SHISAL2B: variants seen among roughly 807,000 people sequenced by gnomAD.
SHISAL2B encodes the protein shisa like 2B, also known as protein shisa-like-2B.
In SHISAL2B, 12 loss-of-function variants were observed where a neutral mutation model predicts 16.5. The ratio of observed to expected loss-of-function variants is 0.73; its 90% CI spans 0.47 to 1.18. SHISAL2B has a LOEUF of 1.18. SHISAL2B is among the 50% of genes most tolerant of loss of function. SHISAL2B has a pLI of 0.00. For synonymous variants in SHISAL2B, 72 were observed against 75.0 expected (o/e 0.96, Z 0.21); for missense variants, 183 against 193.6 (o/e 0.95, Z 0.33).
intron 2 of SHISAL2B, among the ~76,000 whole-genome samples, chr5:64,708,332 G>C (rs575092211): frequency 6.6e-6 from 1 of 152,056 alleles, no homozygotes; most frequent in East Asian, 1.9e-4. Flanking sequence ...TTTGACTTTA[G>C]AAAGTGTGTC....
intron 1 of SHISAL2B, 69 bp downstream of exon 1, chr5:64,690,883 C>T: frequency 1.5e-6 from 2 of 1,365,172 alleles, no homozygotes; most frequent in Non-Finnish European, 1.9e-6. Flanking sequence ...AGCGGAGCCA[C>T]GCCAGGGCCA....
chr5:64,692,618 C>T (rs2112053807), intron 1 of SHISAL2B, among the ~76,000 whole-genome samples: 1 of 152,262 alleles, frequency 6.6e-6, no homozygotes, highest in South Asian at 2.1e-4. Flanking sequence ...TTTTGAGATT[C>T]TATAGTGGCA....
intron 2 of SHISAL2B, among the ~76,000 whole-genome samples, chr5:64,705,847 C>T (rs1347901955): frequency 6.6e-6 from 1 of 152,088 alleles, no homozygotes; most frequent in Non-Finnish European, 1.5e-5. Flanking sequence ...TTTAAGGAGA[C>T]ATGAGACATC....
intron 2 of SHISAL2B, among the ~76,000 whole-genome samples, chr5:64,710,540 G>A (rs1741943936): frequency 1.3e-5 from 1 of 74,652 alleles, no homozygotes. Context: ...GGTTCCATAT[G>A]AACTTTAAAG....
Position 64,690,772 on chromosome 5 carries a change from G to T in SHISAL2B, c.149G>T (p.Gly50Val). ...CTCAAGTACTGCTGCAGCGAGCCGG[G>T]CAGCTACTTCCCCTACAAGCACAGC... is the stretch of plus-strand genomic sequence containing the variant. ...ADLKYCCSEPGSYFPYKHSYM... is the reference protein window; with the variant it reads ...ADLKYCCSEPVSYFPYKHSYM... The change falls in exon 1 of 3, where the codon GGC becomes GTC. Residue 50 changes from glycine (G) to valine (V), a missense_variant. Gly to Val is a moderately radical substitution (Grantham distance 109, BLOSUM62 -3). Transcript: ENST00000389074. The T allele has an allele frequency of 6.5e-7, 1 of 1,545,020 alleles. No homozygotes were observed. Among genetic ancestry groups the T allele is most frequent in the Non-Finnish European group, 8.7e-7 (1 of 1,152,276 alleles).
chr5:64,702,541 G>A (rs893761618), intron 2 of SHISAL2B, among the ~76,000 whole-genome samples: 4 of 151,796 alleles, frequency 2.6e-5, no homozygotes, highest in Non-Finnish European at 4.4e-5. Flanking sequence ...AATATAGTTC[G>A]AAGTATTAGT....
chr5:64,715,970 C>T (rs796463944), intron 2 of SHISAL2B, among the ~76,000 whole-genome samples: 1 of 152,150 alleles, frequency 6.6e-6, no homozygotes, highest in African/African-American at 2.4e-5. Flanking sequence ...CTTGTTAAAG[C>T]GGAATTACAG....
chr5:64,717,947 T>G lies in SHISAL2B; in HGVS notation c.408T>G (p.Asn136Lys). The G allele has an allele frequency of 6.6e-7, 1 of 1,523,752 alleles. No individual in the cohort carries two copies. Among genetic ancestry groups the G allele is most frequent in the Non-Finnish European group, 8.7e-7 (1 of 1,144,064 alleles). 94.4% of individuals were successfully genotyped at this position (1,523,752 alleles called of 1,614,324 possible). A position where few individuals can be genotyped will look rare whatever the true frequency, so the allele number is the denominator to read the frequency against. The change falls in exon 3 of 3, where the codon AAT (asparagine) becomes AAG (lysine). Residue 136 changes from asparagine to lysine, a missense_variant. Coordinates refer to ENST00000389074, the MANE Select transcript of SHISAL2B (RefSeq NM_001164442.2). ...CAAATGCAGCATCAAATGCAACAAA[T>G]GAAACATACTATGAAGCTGATGATA... ...LNSNAASNATNETYYEADDII... is the reference protein window; with the variant it reads ...LNSNAASNATKETYYEADDII...
In SHISAL2B at chr5:64,701,974, GAAAC is replaced by G. The variant is rs574243238; in HGVS notation, c.349+6318_349+6321del. 2.8e-4 allele frequency among the ~76,000 whole-genome samples: 43 copies of G among 152,182 alleles called. No individual in the cohort carries two copies. In the South Asian group the frequency reaches 8.5e-3, roughly 30 times the overall value. Reference sequence around the variant, plus strand: ...TTATAGGAAAATTAGGAAATACAGAGAAACAAACAAATAAATCTTGTATGTGACT... The same window carrying G: ...TTATAGGAAAATTAGGAAATACAGAGAAACAAATAAATCTTGTATGTGACT... On this transcript the variant is annotated intron_variant, in intron 2 of 2. Coordinates refer to ENST00000389074, the MANE Select transcript of SHISAL2B (RefSeq NM_001164442.2).
At chr5:64,703,504 G>A (rs143671332) in intron 2 of SHISAL2B, among the ~76,000 whole-genome samples, 9 of 152,260 alleles carry the variant, frequency 5.9e-5, no homozygotes, top group African/African-American at 1.9e-4. Flanking sequence ...AGTTTTTGAC[G>A]TTATAATAGC....
At chr5:64,705,406 G>A (rs1302164117) in intron 2 of SHISAL2B, among the ~76,000 whole-genome samples, 5 of 152,040 alleles carry the variant, frequency 3.3e-5, no homozygotes, top group South Asian at 2.1e-4. Flanking sequence ...CACCTTGAAC[G>A]TCTGATTAAA....
At chr5:64,715,916 C>T (rs1007775013) in intron 2 of SHISAL2B, among the ~76,000 whole-genome samples, 13 of 152,116 alleles carry the variant, frequency 8.5e-5, no homozygotes, top group Non-Finnish European at 1.9e-4. Flanking sequence ...AAGAAGATGT[C>T]TGTAAGTTTT....
At chr5:64,693,988 G>A in intron 1 of SHISAL2B, 1 of 435,344 alleles carries the variant, frequency 2.3e-6, no homozygotes, top group East Asian at 7.3e-5. Flanking sequence ...AGTGGAGTGA[G>A]CTTAGCTCTT....
Position 64,704,856 on chromosome 5 carries a change from A to G in SHISAL2B, c.349+9192A>G, listed in dbSNP as rs17805915. ...GAGTTGCAGTTAGCTGGACTGTATTATCACTATAGCTCCACTAAGTGCAGT... is the reference window on the plus strand; with the variant it reads ...GAGTTGCAGTTAGCTGGACTGTATTGTCACTATAGCTCCACTAAGTGCAGT... On this transcript the variant is annotated intron_variant, in intron 2 of 2. Transcript: ENST00000389074. Among the ~76,000 whole-genome samples the G allele has an allele frequency of 3.6e-3, 554 of 152,290 alleles. 4 individuals carry two copies. Among genetic ancestry groups the G allele is most frequent in the African/African-American group, 9.2e-3 (382 of 41,574 alleles).
chr5:64,712,315 G>T (rs1374970858), intron 2 of SHISAL2B, among the ~76,000 whole-genome samples: 8 of 152,184 alleles, frequency 5.3e-5, no homozygotes, highest in Non-Finnish European at 1.2e-4. Context: ...TCATTCAGGA[G>T]CATGTTGTTC....
At chr5:64,701,805 G>A (rs569587640) in intron 2 of SHISAL2B, among the ~76,000 whole-genome samples, 58 of 152,296 alleles carry the variant, frequency 3.8e-4, no homozygotes, top group Non-Finnish European at 6.2e-4. Context: ...CAAATTTAAA[G>A]ATAATGCAAA....
intron 2 of SHISAL2B, among the ~76,000 whole-genome samples, chr5:64,703,312 A>G (rs1481427356): frequency 6.6e-6 from 1 of 152,216 alleles, no homozygotes; most frequent in Non-Finnish European, 1.5e-5. Context: ...TCAGCAGAAG[A>G]TAGGGTAATT....
intron 2 of SHISAL2B, among the ~76,000 whole-genome samples, chr5:64,704,776 CAG>C (rs1741853765): frequency 6.6e-6 from 1 of 150,820 alleles, no homozygotes; most frequent in Admixed American, 6.6e-5. Context: ...AAAAAAAAAA[CAG>C]AAAAGCTGAG....
chr5:64,709,472 A>T, intron 2 of SHISAL2B, among the ~76,000 whole-genome samples: 1 of 142,462 alleles, frequency 7.0e-6, no homozygotes, highest in African/African-American at 2.7e-5. Flanking sequence ...AGTCTTTGCT[A>T]TTGTGAATAA....
Sources: allele counts gnomAD v4.1 joint callset (sites outside exome capture counted in the v4.1 genomes callset), GRCh38; gene constraint gnomAD v4.1.1; transcripts MANE v1.5; gene names NCBI Gene and HGNC (gene_info 2026-07-23, HGNC 2026-07-21).